HPSE2: variants seen among roughly 807,000 people sequenced by gnomAD.
HPSE2 encodes heparanase 2 (inactive).
Under a neutral mutation model 60.5 loss-of-function variants are expected in HPSE2, and 38 were observed. The observed-to-expected ratio is 0.63, with a 90% CI of 0.48 to 0.82. HPSE2 has a LOEUF of 0.82. Ranked by LOEUF, HPSE2 falls within the 40% of genes least tolerant of loss-of-function variation. The pLI, the probability that HPSE2 is intolerant of heterozygous loss-of-function variation, is 0.00. For synonymous variants in HPSE2, 295 were observed against 293.2 expected (o/e 1.01, Z -0.06); for missense variants, 713 against 740.4 (o/e 0.96, Z 0.43).
At chr10:98,829,758 T>TG (rs1233841064) in intron 3 of HPSE2, among the ~76,000 whole-genome samples, 2 of 152,214 alleles carry the variant, frequency 1.3e-5, no homozygotes, top group Non-Finnish European at 2.9e-5. Flanking sequence ...TGGGCTGGAT[T>TG]GCATTTTCAA....
intron 3 of HPSE2, among the ~76,000 whole-genome samples, chr10:99,111,521 A>T (rs999571468): frequency 6.6e-6 from 1 of 152,220 alleles, no homozygotes; most frequent in Non-Finnish European, 1.5e-5. Context: ...ATGAAGAAAA[A>T]GAACAAGAAG....
chr10:98,569,352 C>A (rs896903852), intron 9 of HPSE2, among the ~76,000 whole-genome samples: 2 of 152,128 alleles, frequency 1.3e-5, no homozygotes, highest in African/African-American at 2.4e-5. Flanking sequence ...TGAGCCACTG[C>A]GCCTGGCCAG....
At chr10:99,140,160 C>G (rs1845813457) in intron 3 of HPSE2, among the ~76,000 whole-genome samples, 1 of 152,084 alleles carries the variant, frequency 6.6e-6, no homozygotes, top group African/African-American at 2.4e-5. Flanking sequence ...CACTGTTGCT[C>G]AATTGAAGTT....
At chr10:98,843,334 T>C (rs1951962413) in intron 3 of HPSE2, among the ~76,000 whole-genome samples, 1 of 152,190 alleles carries the variant, frequency 6.6e-6, no homozygotes, top group Non-Finnish European at 1.5e-5. Context: ...CTAAGGTTAA[T>C]AGTTTAAATA....
intron 9 of HPSE2, among the ~76,000 whole-genome samples, chr10:98,538,139 G>A (rs1943346257): frequency 6.6e-6 from 1 of 151,952 alleles, no homozygotes; most frequent in African/African-American, 2.4e-5. Flanking sequence ...AAATATCATC[G>A]AGCCCAGCTG....
At chr10:98,867,812 C>A (rs1952627751) in intron 3 of HPSE2, among the ~76,000 whole-genome samples, 1 of 152,094 alleles carries the variant, frequency 6.6e-6, no homozygotes, top group Non-Finnish European at 1.5e-5. Context: ...GTAATCCCAG[C>A]ACTTTGGGAG....
chr10:99,104,839 A>G (rs1011776660), intron 3 of HPSE2, among the ~76,000 whole-genome samples: 2 of 151,902 alleles, frequency 1.3e-5, no homozygotes, highest in African/African-American at 4.8e-5. Context: ...ACATGTTCTC[A>G]CTCATAGGTG....
intron 9 of HPSE2, among the ~76,000 whole-genome samples, chr10:98,548,631 G>A (rs928773429): frequency 6.8e-6 from 1 of 147,088 alleles, no homozygotes; most frequent in African/African-American, 2.5e-5. Context: ...AAAAAAAAAA[G>A]AAATTTAGAG....
At chr10:99,192,242 C>A (rs1848247037) in intron 2 of HPSE2, among the ~76,000 whole-genome samples, 1 of 152,040 alleles carries the variant, frequency 6.6e-6, no homozygotes, top group South Asian at 2.1e-4. Context: ...TATTCAAGTA[C>A]AAGAAGGTTA....
intron 3 of HPSE2, among the ~76,000 whole-genome samples, chr10:98,796,608 G>A (rs1950785369): frequency 6.6e-6 from 1 of 152,200 alleles, no homozygotes; most frequent in Non-Finnish European, 1.5e-5. Context: ...TTGCTGCCTT[G>A]AGGGAAGAAC....
intron 3 of HPSE2, among the ~76,000 whole-genome samples, chr10:99,000,558 T>C (rs1383362350): frequency 6.6e-6 from 1 of 152,052 alleles, no homozygotes; most frequent in African/African-American, 2.4e-5. Flanking sequence ...GAATGTTGCA[T>C]GCAAATCAAA....
intron 6 of HPSE2, among the ~76,000 whole-genome samples, chr10:98,690,652 C>T (rs1948054905): frequency 1.3e-5 from 2 of 151,826 alleles, no homozygotes. Context: ...CCTTTGGTTT[C>T]TGCCTTTTTT....
At chr10:98,915,899 G>A (rs1160470893) in intron 3 of HPSE2, among the ~76,000 whole-genome samples, 1 of 152,046 alleles carries the variant, frequency 6.6e-6, no homozygotes, top group Non-Finnish European at 1.5e-5. Flanking sequence ...AGAGTGCAAT[G>A]GACAGGAGAG....
chr10:98,909,581 G>C (rs1262134063), intron 3 of HPSE2, among the ~76,000 whole-genome samples: 1 of 150,232 alleles, frequency 6.7e-6, no homozygotes, highest in Non-Finnish European at 1.5e-5. Flanking sequence ...AGTGAGCCGA[G>C]ATCGCGCCAC....
intron 3 of HPSE2, among the ~76,000 whole-genome samples, chr10:99,025,383 T>C (rs1957354510): frequency 6.6e-6 from 1 of 152,084 alleles, no homozygotes; most frequent in African/African-American, 2.4e-5. Flanking sequence ...CATTCTACCA[T>C]AAACACACAT....
chr10:98,526,267 A>C (rs1942964466), intron 9 of HPSE2, among the ~76,000 whole-genome samples: 1 of 152,200 alleles, frequency 6.6e-6, no homozygotes, highest in Admixed American at 6.5e-5. Context: ...TTTGTCTTTT[A>C]CTGTGAGTTG....
At chr10:99,307,491 C>G in the HPSE2 span, among the ~76,000 whole-genome samples, 2 of 152,112 alleles carry the variant, frequency 1.3e-5, no homozygotes, top group African/African-American at 4.8e-5. Context: ...AAGTAGACAC[C>G]AAGTGGCGTG....
intron 3 of HPSE2, among the ~76,000 whole-genome samples, chr10:98,876,729 A>C (rs1952887316): frequency 6.6e-6 from 1 of 151,852 alleles, no homozygotes; most frequent in Non-Finnish European, 1.5e-5. Context: ...GCATCAACAG[A>C]ATATCTTCAT....
intron 3 of HPSE2, among the ~76,000 whole-genome samples, chr10:99,035,802 C>T (rs1736156883): frequency 6.6e-6 from 1 of 152,180 alleles, no homozygotes; most frequent in Admixed American, 6.5e-5. Context: ...ACAGAAATGT[C>T]ATTATGCAGT....
Sources: allele counts gnomAD v4.1 joint callset (sites outside exome capture counted in the v4.1 genomes callset), GRCh38; gene constraint gnomAD v4.1.1; transcripts MANE v1.5; gene names NCBI Gene and HGNC (gene_info 2026-07-23, HGNC 2026-07-21).